The following SATB2 variants were observed in gnomAD, a reference collection of about 807,000 sequenced individuals.
SATB2 encodes the protein SATB homeobox 2.
A neutral mutation model predicts 73.4 loss-of-function variants in SATB2; 1 was observed. The ratio of observed to expected loss-of-function variants is 0.01; its 90% CI spans 0.00 to 0.06. The LOEUF is 0.06. Ranked by LOEUF, SATB2 falls within the 10% of genes least tolerant of loss-of-function variation. The probability of loss-of-function intolerance (pLI) is 1.00; values close to 1 mark genes in which losing one functional copy is unlikely to be tolerated. For missense variants in SATB2, 459 were observed against 945.8 expected (o/e 0.49, Z 6.75); for synonymous variants, 397 against 367.0 (o/e 1.08, Z -0.93).
At chr2:199,443,021 A>ATT (rs10673737) in intron 2 of SATB2, among the ~76,000 whole-genome samples, 90,346 of 133,442 alleles carry the variant, frequency 0.68, 32,457 homozygotes, top group East Asian at 0.79. Context: ...GTTTCTGAGA[A>ATT]TTTTTTTTTT....
Position 199,328,792 on chromosome 2 carries a change from C to T in SATB2, c.1292G>A (p.Arg431His), listed in dbSNP as rs745320639. Residue 431 changes from arginine to histidine, a missense_variant, in exon 8 of 11, where the codon CGC becomes CAC. Transcript: ENST00000417098. ...CCGCTCCCTCTCATCCTGGTAGATG[C>T]GATCTCGCTCCACTTCTGGCAGATT... The part of the protein sequence containing the change: ...FLNLPEVERD[R>H]IYQDERERSM... 3.1e-6 allele frequency: 5 copies of T among 1,614,012 alleles called. No homozygotes were observed. Among genetic ancestry groups the T allele is most frequent in the Admixed American group, 1.7e-5 (1 of 60,006 alleles).
intron 3 of SATB2, among the ~76,000 whole-genome samples, chr2:199,422,903 G>A (rs1243679114): frequency 6.6e-6 from 1 of 152,110 alleles, no homozygotes; most frequent in South Asian, 2.1e-4. Context: ...GCAAAACCAT[G>A]ACTTAATATA....
intron 5 of SATB2, among the ~76,000 whole-genome samples, chr2:199,376,506 C>T (rs1014497): frequency 0.63 from 95,530 of 152,006 alleles, 32,574 homozygotes; most frequent in Non-Finnish European, 0.76. Flanking sequence ...TAGTGGCATG[C>T]TAGTGGCATC....
intron 4 of SATB2, among the ~76,000 whole-genome samples, chr2:199,380,736 A>T (rs1446706804): frequency 6.6e-6 from 1 of 152,190 alleles, no homozygotes; most frequent in African/African-American, 2.4e-5. Flanking sequence ...AAGAGATGCT[A>T]TTTTTATAAA....
chr2:199,429,747 TA>T (rs1476312487), intron 3 of SATB2, among the ~76,000 whole-genome samples: 1 of 152,020 alleles, frequency 6.6e-6, no homozygotes, highest in Non-Finnish European at 1.5e-5. Flanking sequence ...CCATCTTTAC[TA>T]AAAATACAAA....
At chr2:199,367,881 A>G (rs62178602) in intron 6 of SATB2, among the ~76,000 whole-genome samples, 13,637 of 152,098 alleles carry the variant, frequency 0.09, 689 homozygotes, top group Middle Eastern at 0.23. Flanking sequence ...ATAGCATGCT[A>G]TTTACTACAC....
chr2:199,433,651 T>C, intron 2 of SATB2, 137 bp from the exon 3 acceptor site: 1 of 808,798 alleles, frequency 1.2e-6, no homozygotes, highest in Non-Finnish European at 2.1e-6. Flanking sequence ...AGCCTCTTAG[T>C]CATATAGGTC....
chr2:199,273,542 GTTTTGAGTC>G, intron 10 of SATB2, among the ~76,000 whole-genome samples: 1 of 152,148 alleles, frequency 6.6e-6, no homozygotes, highest in Admixed American at 6.5e-5. Flanking sequence ...TTTAGTTCTA[GTTTTGAGTC>G]TTTTGATTTT....
At chr2:199,469,424 ATCTAGGAAAG>A (rs1343647883), upstream of SATB2, among the ~76,000 whole-genome samples, 1 of 151,714 alleles carries the variant, frequency 6.6e-6, no homozygotes, top group East Asian at 1.9e-4. Context: ...CGGTTCCTAA[ATCTAGGAAAG>A]CCAGCCCCGG....
At chr2:199,327,567 A>C (rs1688066589) in intron 8 of SATB2, among the ~76,000 whole-genome samples, 1 of 152,156 alleles carries the variant, frequency 6.6e-6, no homozygotes, top group South Asian at 2.1e-4. Context: ...CGAGTAGTAA[A>C]AGTTTAGGGG....
At chr2:199,438,860 TA>T (rs775400265) in intron 2 of SATB2, among the ~76,000 whole-genome samples, 31 of 152,194 alleles carry the variant, frequency 2.0e-4, no homozygotes, top group Non-Finnish European at 3.8e-4. Flanking sequence ...AAACTGAAAC[TA>T]TGGGAGAAGT....
At chr2:199,428,829 G>A (rs1179351346) in intron 3 of SATB2, among the ~76,000 whole-genome samples, 3 of 151,990 alleles carry the variant, frequency 2.0e-5, no homozygotes, top group Non-Finnish European at 4.4e-5. Context: ...GCAACATAAG[G>A]ATACTTCGTC....
At chr2:199,314,475 T>C (rs1195236034) in intron 9 of SATB2, among the ~76,000 whole-genome samples, 2 of 151,868 alleles carry the variant, frequency 1.3e-5, no homozygotes, top group East Asian at 1.9e-4. Flanking sequence ...ATAGTAATAG[T>C]AGTCTCTCAG....
intron 3 of SATB2, among the ~76,000 whole-genome samples, chr2:199,403,482 A>G (rs1461984322): frequency 6.6e-6 from 1 of 152,150 alleles, no homozygotes; most frequent in Non-Finnish European, 1.5e-5. Context: ...CAAGGTAAGA[A>G]ATATCTTGGG....
rs1238783980 is a variant in SATB2 at position 199,319,960 on chromosome 2, G to A, written c.1542+3843C>T. ...CAACCGTCCCCTGAGAGCCGCAGAA[G>A]ATGTGCCCACAGGTTACTATGTTTT... On this transcript the variant is annotated intron_variant, in intron 9 of 10. Transcript: ENST00000417098. Among the ~76,000 whole-genome samples, 5 of 152,194 alleles carry A rather than the reference G, an allele frequency of 3.3e-5. No homozygotes were observed. The East Asian group carries it at 9.7e-4, about 30-fold the overall frequency.
At chr2:199,423,535 T>C (rs890949338) in intron 3 of SATB2, among the ~76,000 whole-genome samples, 1 of 152,010 alleles carries the variant, frequency 6.6e-6, no homozygotes, top group Non-Finnish European at 1.5e-5. Context: ...GAAAAATGTA[T>C]GCATGGAAAG....
intron 10 of SATB2, among the ~76,000 whole-genome samples, chr2:199,306,656 A>T (rs1396091540): frequency 6.6e-6 from 1 of 152,208 alleles, no homozygotes; most frequent in African/African-American, 2.4e-5. Context: ...AAAACTCATA[A>T]ATCAATTGGC....
At chr2:199,459,103 G>A (rs1692397756), upstream of SATB2, among the ~76,000 whole-genome samples, 4 of 152,070 alleles carry the variant, frequency 2.6e-5, no homozygotes, top group Admixed American at 2.0e-4. The surrounding 1 kb of genome is among the most constrained non-coding windows in gnomAD (Gnocchi z 4.2). Context: ...GCCGCCTGGA[G>A]CCCGTGACGC....
chr2:199,338,005 A>C (rs959106192), intron 7 of SATB2, among the ~76,000 whole-genome samples: 1 of 152,172 alleles, frequency 6.6e-6, no homozygotes, highest in African/African-American at 2.4e-5. Flanking sequence ...CATACTGTAA[A>C]TATAACATCA....
Sources: gnomAD v4.1 joint callset for allele counts (sites outside exome capture counted in the v4.1 genomes callset) on GRCh38, gnomAD v4.1.1 for gene constraint, Gnocchi (gnomAD v3.1) non-coding constraint, MANE v1.5 for transcripts, NCBI Gene and HGNC (gene_info 2026-07-23, HGNC 2026-07-21) for gene names.